The following GRB2 variants were observed in gnomAD, a reference collection of about 807,000 sequenced individuals.
GRB2 encodes the protein growth factor receptor bound protein 2, also known as growth factor receptor-bound protein 2.
In GRB2, 2 loss-of-function variants were observed where a neutral mutation model predicts 27.4. The observed-to-expected ratio is 0.07, with a 90% CI of 0.03 to 0.23. GRB2 has a LOEUF of 0.23. Among genes scored for constraint, GRB2 ranks in the 10% least tolerant of loss-of-function variants. The pLI is 1.00. For synonymous variants in GRB2, 94 were observed against 99.6 expected (o/e 0.94, Z 0.33); for missense variants, 102 against 282.4 (o/e 0.36, Z 4.58).
intron 2 of GRB2, among the ~76,000 whole-genome samples, chr17:75,358,732 A>C: frequency 6.9e-6 from 1 of 144,744 alleles, no homozygotes; most frequent in Admixed American, 7.0e-5. Context: ...AAAAACAAAA[A>C]ATTAGCTGGG....
intron 2 of GRB2, among the ~76,000 whole-genome samples, chr17:75,357,856 G>T: frequency 6.6e-6 from 1 of 152,236 alleles, no homozygotes; most frequent in Non-Finnish European, 1.5e-5. Flanking sequence ...GGGCAGCAGA[G>T]GTTGTAGAGA....
intron 3 of GRB2, among the ~76,000 whole-genome samples, chr17:75,332,256 G>A (rs1183429543): frequency 6.6e-6 from 1 of 152,184 alleles, no homozygotes; most frequent in Non-Finnish European, 1.5e-5. Flanking sequence ...CACTAAGATG[G>A]AGGGATAAAC....
chr17:75,377,663 T>C (rs1321013543), intron 2 of GRB2, among the ~76,000 whole-genome samples: 9 of 147,726 alleles, frequency 6.1e-5, no homozygotes, highest in Non-Finnish European at 8.9e-5. Flanking sequence ...TCCCAGTACT[T>C]TGGGAGGCTG....
chr17:75,394,738 GTC>G (rs1247246854), intron 1 of GRB2: 1 of 152,210 alleles, frequency 6.6e-6, no homozygotes, highest in Admixed American at 6.5e-5. Flanking sequence ...TCAAAGAGAA[GTC>G]TCTCTCACAG....
chr17:75,386,994 AAC>A (rs574191281), intron 2 of GRB2, among the ~76,000 whole-genome samples: 300 of 36,016 alleles, frequency 8.3e-3, no homozygotes, highest in Admixed American at 0.038. Flanking sequence ...GCTAACTAAA[AAC>A]ACACACACAC....
In GRB2 at chr17:75,354,365, C is replaced by T. The variant is rs140833056; in HGVS notation, c.79-21568G>A. Among the ~76,000 whole-genome samples, 636 of 151,196 alleles carry T rather than the reference C, an allele frequency of 4.2e-3. 7 individuals are homozygous for T. The highest frequency in any genetic ancestry group is 0.015 in the African/African-American group (598 of 40,826). Reference sequence around the variant, plus strand: ...ACAACCTCCACTTCCCATGTTCAAGCGATTCTCCTGCCTCAGCCTCCTGAG... The same window carrying T: ...ACAACCTCCACTTCCCATGTTCAAGTGATTCTCCTGCCTCAGCCTCCTGAG... On this transcript the variant is annotated intron_variant, in intron 2 of 5. Coordinates refer to ENST00000316804, the MANE Select transcript of GRB2 (RefSeq NM_002086.5).
intron 4 of GRB2, 28 bp from the exon 5 acceptor site, chr17:75,321,855 CGGCTAAA>C: frequency 6.2e-7 from 1 of 1,608,778 alleles, no homozygotes. Context: ...CACATGTGAC[CGGCTAAA>C]GGCTCTAACT....
At chr17:75,363,585 C>T (rs535821222) in intron 2 of GRB2, among the ~76,000 whole-genome samples, 2 of 152,154 alleles carry the variant, frequency 1.3e-5, no homozygotes, top group Non-Finnish European at 2.9e-5. Context: ...GCGGGCCGGG[C>T]ATGGTGGCTC....
Position 75,319,467 on chromosome 17 carries a change from G to A in GRB2, c.*901C>T, listed in dbSNP as rs1258931296. 4.5e-5 allele frequency: 6 copies of A among 134,402 alleles called. No homozygotes were observed. The highest frequency in any genetic ancestry group is 7.8e-5 in the Non-Finnish European group (5 of 63,820). The allele number at this position is 134,402 out of a possible 1,614,324, so 8.3% of individuals were successfully genotyped here. On this transcript the variant is annotated 3_prime_UTR_variant, in exon 6 of 6. Transcript: ENST00000316804. ...GTGGGCTTTTTTTTTTTTTTTTTGA[G>A]ACGGAATCTCGCTCTGTCACCCAGG...
chr17:75,331,984 T>C (rs1047950675), intron 3 of GRB2, among the ~76,000 whole-genome samples: 13 of 152,154 alleles, frequency 8.5e-5, no homozygotes, highest in Admixed American at 1.3e-4. Context: ...TCCAAGGGCA[T>C]TCTAGTCTGA....
At chr17:75,375,086 T>C (rs1859699189) in intron 2 of GRB2, among the ~76,000 whole-genome samples, 1 of 151,976 alleles carries the variant, frequency 6.6e-6, no homozygotes, top group African/African-American at 2.4e-5. Flanking sequence ...GGTTTTTTTT[T>C]TGTAGACGGG....
intron 2 of GRB2, among the ~76,000 whole-genome samples, chr17:75,353,191 A>T (rs2078704594): frequency 6.6e-6 from 1 of 151,208 alleles, no homozygotes; most frequent in African/African-American, 2.4e-5. Flanking sequence ...TCTCAAAAAA[A>T]AAAAAAAAAG....
chr17:75,405,012 A>G (rs2079089951), intron 1 of GRB2: 1 of 152,132 alleles, frequency 6.6e-6, no homozygotes, highest in Admixed American at 6.6e-5. Flanking sequence ...TCCAGCAGCA[A>G]ACGTTCCACC....
intron 2 of GRB2, among the ~76,000 whole-genome samples, chr17:75,335,920 C>T (rs1356497148): frequency 6.6e-6 from 1 of 152,174 alleles, no homozygotes; most frequent in African/African-American, 2.4e-5. Flanking sequence ...CATTGTGCTG[C>T]AGCCAGCAAT....
intron 2 of GRB2, chr17:75,371,654 T>C (rs944141915): frequency 2.6e-5 from 4 of 151,834 alleles, no homozygotes; most frequent in Non-Finnish European, 5.9e-5. Flanking sequence ...TTCTGGAGAT[T>C]GGGTCTGTTC....
chr17:75,343,614 G>T (rs2078636273), intron 2 of GRB2, among the ~76,000 whole-genome samples: 1 of 152,108 alleles, frequency 6.6e-6, no homozygotes, highest in Non-Finnish European at 1.5e-5. Flanking sequence ...AAAACAGGAA[G>T]GTAGTTCACA....
chr17:75,392,118 T>C (rs1049733531), intron 2 of GRB2, among the ~76,000 whole-genome samples: 18 of 152,180 alleles, frequency 1.2e-4, no homozygotes, highest in African/African-American at 3.9e-4. Context: ...TCAAATTACC[T>C]CTCCCATACA....
intron 2 of GRB2, among the ~76,000 whole-genome samples, chr17:75,379,715 T>C (rs900701202): frequency 2.0e-5 from 3 of 152,168 alleles, no homozygotes; most frequent in African/African-American, 7.2e-5. Flanking sequence ...TAATGCATGA[T>C]AGATAGCTAA....
At chr17:75,394,384 A>T (rs2079017718) in intron 1 of GRB2, 1 of 152,202 alleles carries the variant, frequency 6.6e-6, no homozygotes, top group Admixed American at 6.5e-5. Context: ...TGCTACAAGC[A>T]CCGGCGGCTT....
Sources: gnomAD v4.1 joint callset for allele counts (sites outside exome capture counted in the v4.1 genomes callset) on GRCh38, gnomAD v4.1.1 for gene constraint, MANE v1.5 for transcripts, NCBI Gene and HGNC (gene_info 2026-07-23, HGNC 2026-07-21) for gene names.